SERPINE2: variants seen among roughly 807,000 people sequenced by gnomAD.
The protein encoded by SERPINE2 is glia-derived nexin.
A neutral mutation model predicts 36.3 loss-of-function variants in SERPINE2; 14 were observed. The ratio of observed to expected loss-of-function variants is 0.39; its 90% CI spans 0.25 to 0.60. SERPINE2 has a LOEUF of 0.60. Ranked by LOEUF, SERPINE2 falls within the 20% of genes least tolerant of loss-of-function variation. SERPINE2 has a pLI of 0.57. For missense variants in SERPINE2, 418 were observed against 499.6 expected (o/e 0.84, Z 1.56); for synonymous variants, 192 against 191.8 (o/e 1.00, Z -0.01).
chr2:224,016,210 G>A (rs1336079687), intron 1 of SERPINE2, among the ~76,000 whole-genome samples: 1 of 152,222 alleles, frequency 6.6e-6, no homozygotes, highest in Non-Finnish European at 1.5e-5. Flanking sequence ...CTAGAAAACA[G>A]TTTGGTAGGT....
intron 8 of SERPINE2, 26 bp downstream of exon 8, chr2:223,977,518 C>T (rs368112124): frequency 2.1e-6 from 3 of 1,416,466 alleles, no homozygotes; most frequent in Non-Finnish European, 1.0e-6. Flanking sequence ...ACAGAGAGGG[C>T]ATGATGGAAG....
intron 1 of SERPINE2, among the ~76,000 whole-genome samples, chr2:224,013,166 T>C (rs992095531): frequency 1.8e-4 from 28 of 152,230 alleles, no homozygotes; most frequent in African/African-American, 6.3e-4. Flanking sequence ...TCAATATATG[T>C]TGGGTTTCCT....
chr2:224,035,757 T>G (rs1265599988), intron 1 of SERPINE2, among the ~76,000 whole-genome samples: 1 of 152,196 alleles, frequency 6.6e-6, no homozygotes, highest in African/African-American at 2.4e-5. Context: ...GTATATACTT[T>G]GTTCAGGCCA....
At chr2:223,977,785 G>A (rs1690068021) in intron 7 of SERPINE2, 158 bp from the exon 8 acceptor site, 2 of 596,174 alleles carry the variant, frequency 3.4e-6, no homozygotes, top group Non-Finnish European at 6.1e-6. Flanking sequence ...CAGGCTCAAT[G>A]GTCACCATTT....
At chr2:223,977,739 A>T in intron 7 of SERPINE2, 112 bp from the exon 8 acceptor site, 1 of 727,232 alleles carries the variant, frequency 1.4e-6, no homozygotes, top group Non-Finnish European at 2.5e-6. Context: ...CTGAAGACAC[A>T]CTTCATGCTT....
At position 224,001,371 on chromosome 2, in the gene SERPINE2, G is replaced by A. The variant is rs150970371; in HGVS notation, c.259+271C>T. Among the ~76,000 whole-genome samples the A allele has an allele frequency of 9.4e-3, 1,435 of 152,306 alleles. 12 individuals carry two copies. The highest frequency in any genetic ancestry group is 0.015 in the Non-Finnish European group (1,026 of 68,016). On this transcript the variant is annotated intron_variant, in intron 2 of 8. Coordinates refer to ENST00000409304, the MANE Select transcript of SERPINE2 (RefSeq NM_001136528.2). ...AAGCCAGGAAGTGTCCCCCTCGCTG[G>A]AACGAGGGCTGGAGCCCTGGGAAAG...
At chr2:224,026,543 T>G (rs1252568705) in intron 1 of SERPINE2, among the ~76,000 whole-genome samples, 3 of 152,220 alleles carry the variant, frequency 2.0e-5, no homozygotes, top group African/African-American at 7.2e-5. Context: ...TCTATCTAGT[T>G]TTTTTGCGAA....
At chr2:223,978,784 G>A (rs181219295) in intron 7 of SERPINE2, 1 of 152,356 alleles carries the variant, frequency 6.6e-6, no homozygotes. Context: ...AATAGCAGGT[G>A]TTATGGACTG....
chr2:224,031,437 C>G (rs1692362152), intron 1 of SERPINE2: 1 of 985,658 alleles, frequency 1.0e-6, no homozygotes, highest in South Asian at 4.7e-5. Flanking sequence ...GAACGCCAGG[C>G]AGCACGGTCC....
chr2:223,998,475 T>A, intron 2 of SERPINE2, 133 bp from the exon 3 acceptor site: 1 of 647,628 alleles, frequency 1.5e-6, no homozygotes, highest in Non-Finnish European at 2.7e-6. Context: ...CCCAGCAATT[T>A]GAGAGGCTGA....
At chr2:223,995,756 T>C (rs1345295860) in intron 3 of SERPINE2, among the ~76,000 whole-genome samples, 1 of 152,138 alleles carries the variant, frequency 6.6e-6, no homozygotes, top group Non-Finnish European at 1.5e-5. Flanking sequence ...TCAGAAAAAA[T>C]TGCATCAGCA....
At chr2:223,991,751 C>T in intron 4 of SERPINE2, 52 bp downstream of exon 4, 1 of 1,574,120 alleles carries the variant, frequency 6.4e-7, no homozygotes, top group Non-Finnish European at 8.7e-7. Context: ...CACTCAAGGG[C>T]CTTTCTGCCG....
intron 1 of SERPINE2, among the ~76,000 whole-genome samples, chr2:224,016,351 TA>T (rs1691797933): frequency 1.3e-5 from 2 of 151,972 alleles, no homozygotes; most frequent in Non-Finnish European, 2.9e-5. Context: ...ACTAAAAATA[TA>T]AAAATTAGTC....
In SERPINE2 at chr2:223,983,730, G is replaced by A. The variant is rs879545681; in HGVS notation, c.885-949C>T. ...CACACACACACACGTATATATATGT[G>A]TGTATATGTGTGTGTGTGTGTGTGT... On this transcript the variant is annotated intron_variant, in intron 5 of 8. Transcript: ENST00000409304. Among the ~76,000 whole-genome samples, 582 of 83,150 alleles carry A rather than the reference G, an allele frequency of 7.0e-3. 4 individuals carry two copies. The highest frequency in any genetic ancestry group is 9.1e-3 in the Non-Finnish European group (405 of 44,408). The allele number at this position is 83,150 out of a possible 152,430, so 54.5% of individuals were successfully genotyped here. A position where few individuals can be genotyped will look rare whatever the true frequency, so the allele number is the denominator to read the frequency against.
intron 1 of SERPINE2, among the ~76,000 whole-genome samples, chr2:224,026,119 A>G (rs1692172984): frequency 6.6e-6 from 1 of 152,210 alleles, no homozygotes; most frequent in Admixed American, 6.5e-5. Context: ...CCGCCAGTTC[A>G]ATGCTGACAA....
chr2:224,035,860 C>T (rs374752811), intron 1 of SERPINE2, among the ~76,000 whole-genome samples: 2 of 152,230 alleles, frequency 1.3e-5, no homozygotes, highest in South Asian at 2.1e-4. Context: ...GTGACTAGAG[C>T]GGACCTTTGT....
At chr2:224,005,775 T>C (rs574931396) in intron 1 of SERPINE2, among the ~76,000 whole-genome samples, 7 of 152,320 alleles carry the variant, frequency 4.6e-5, no homozygotes, top group Non-Finnish European at 7.3e-5. Context: ...GCTGCCCAAA[T>C]GTACTGCATA....
chr2:224,019,284 T>C (rs538756533), intron 1 of SERPINE2, among the ~76,000 whole-genome samples: 13 of 152,312 alleles, frequency 8.5e-5, no homozygotes, highest in African/African-American at 2.2e-4. Flanking sequence ...ATTATACATA[T>C]GGATAATATA....
At chr2:224,006,848 T>C (rs1530019) in intron 1 of SERPINE2, among the ~76,000 whole-genome samples, 127,288 of 152,282 alleles carry the variant, frequency 0.84, 53,217 homozygotes, top group South Asian at 0.89. Context: ...CTCACCCCCA[T>C]GGCAAATGTT....
Sources: gnomAD v4.1 joint callset for allele counts (sites outside exome capture counted in the v4.1 genomes callset) on GRCh38, gnomAD v4.1.1 for gene constraint, MANE v1.5 for transcripts, NCBI Gene and HGNC (gene_info 2026-07-23, HGNC 2026-07-21) for gene names.